SGMS1: variants seen among roughly 807,000 people sequenced by gnomAD.
The protein encoded by SGMS1 is sphingomyelin synthase 1.
Under a neutral mutation model 46.2 loss-of-function variants are expected in SGMS1, and 13 were observed. The ratio of observed to expected loss-of-function variants is 0.28; its 90% CI spans 0.18 to 0.45. SGMS1 has a LOEUF of 0.45. Ranked by LOEUF, SGMS1 falls within the 20% of genes least tolerant of loss-of-function variation. SGMS1 has a pLI of 1.00. For synonymous variants in SGMS1, 203 were observed against 187.8 expected (o/e 1.08, Z -0.66); for missense variants, 324 against 519.9 (o/e 0.62, Z 3.66).
intron 6 of SGMS1, among the ~76,000 whole-genome samples, chr10:50,419,626 TAAAAG>T (rs1258523964): frequency 6.6e-6 from 1 of 152,162 alleles, no homozygotes; most frequent in African/African-American, 2.4e-5. Flanking sequence ...TAAAAATACT[TAAAAG>T]AAACTTTATT....
At chr10:50,368,920 G>A (rs1848392117) in intron 6 of SGMS1, among the ~76,000 whole-genome samples, 1 of 152,134 alleles carries the variant, frequency 6.6e-6, no homozygotes, top group Non-Finnish European at 1.5e-5. Context: ...TATTACTGTG[G>A]AATGTTACAC....
chr10:50,344,829 C>T (rs375678929), intron 6 of SGMS1, among the ~76,000 whole-genome samples: 5 of 151,624 alleles, frequency 3.3e-5, no homozygotes, highest in East Asian at 1.9e-4. Context: ...CCGAGATCAG[C>T]CACTGTACTC....
chr10:50,352,498 C>T (rs1264942563), intron 6 of SGMS1, among the ~76,000 whole-genome samples: 1 of 152,118 alleles, frequency 6.6e-6, no homozygotes, highest in Non-Finnish European at 1.5e-5. Context: ...TAAAAATATG[C>T]ATAAATTCTT....
chr10:50,471,053 A>T (rs759948123), intron 3 of SGMS1, among the ~76,000 whole-genome samples: 1 of 152,226 alleles, frequency 6.6e-6, no homozygotes, highest in Non-Finnish European at 1.5e-5. Flanking sequence ...TTAAGGAAGT[A>T]GTTACTAAAA....
At chr10:50,339,745 G>A (rs7905772) in intron 7 of SGMS1, among the ~76,000 whole-genome samples, 34,776 of 152,154 alleles carry the variant, frequency 0.23, 4,310 homozygotes, top group African/African-American at 0.31. Flanking sequence ...GATGAATAGG[G>A]TCTAGTTCTT....
At chr10:50,517,932 T>G (rs568177773) in intron 3 of SGMS1, among the ~76,000 whole-genome samples, 1 of 152,108 alleles carries the variant, frequency 6.6e-6, no homozygotes, top group South Asian at 2.1e-4. Flanking sequence ...AATAAAGACA[T>G]TTCAGAAACC....
At chr10:50,574,384 T>C (rs1838361929) in intron 2 of SGMS1, among the ~76,000 whole-genome samples, 1 of 152,214 alleles carries the variant, frequency 6.6e-6, no homozygotes, top group African/African-American at 2.4e-5. Flanking sequence ...AAGAGGTTTA[T>C]GACCAAATGC....
At chr10:50,563,899 C>T (rs1838265245) in intron 2 of SGMS1, among the ~76,000 whole-genome samples, 1 of 152,302 alleles carries the variant, frequency 6.6e-6, no homozygotes, top group East Asian at 1.9e-4. Flanking sequence ...TGACAACCTA[C>T]CTCCAAGTGC....
At chr10:50,385,642 C>T (rs1017463718) in intron 6 of SGMS1, among the ~76,000 whole-genome samples, 1 of 151,998 alleles carries the variant, frequency 6.6e-6, no homozygotes, top group African/African-American at 2.4e-5. Context: ...GATAAAGGAA[C>T]CTGAGATCTG....
intron 2 of SGMS1, among the ~76,000 whole-genome samples, chr10:50,582,993 T>C (rs1337184101): frequency 3.9e-5 from 6 of 152,208 alleles, no homozygotes; most frequent in East Asian, 1.9e-4. Context: ...GCTTTAAAGG[T>C]TGACAGTAAT....
intron 2 of SGMS1, among the ~76,000 whole-genome samples, chr10:50,544,885 C>T (rs570953095): frequency 1.3e-5 from 2 of 152,286 alleles, no homozygotes; most frequent in East Asian, 3.9e-4. Flanking sequence ...CCGCGTATTT[C>T]CATTTATGTG....
At chr10:50,503,739 T>A (rs1837681665) in intron 3 of SGMS1, among the ~76,000 whole-genome samples, 1 of 152,004 alleles carries the variant, frequency 6.6e-6, no homozygotes, top group Non-Finnish European at 1.5e-5. Flanking sequence ...AGCAGTTCTG[T>A]GGGTTTGGCC....
chr10:50,545,714 G>GA (rs1430244036), intron 2 of SGMS1, among the ~76,000 whole-genome samples: 1 of 152,164 alleles, frequency 6.6e-6, no homozygotes, highest in African/African-American at 2.4e-5. Context: ...TGGGATTACA[G>GA]ACGTGAGCCA....
At chr10:50,406,708 T>TC (rs1849021090) in intron 6 of SGMS1, among the ~76,000 whole-genome samples, 1 of 151,002 alleles carries the variant, frequency 6.6e-6, no homozygotes, top group African/African-American at 2.4e-5. Flanking sequence ...ATAATTCTTT[T>TC]TTTTTTTTTC....
chr10:50,584,815 A>G (rs1183087566), intron 2 of SGMS1, among the ~76,000 whole-genome samples: 2 of 152,228 alleles, frequency 1.3e-5, no homozygotes, highest in African/African-American at 4.8e-5. Flanking sequence ...AACTGCAACT[A>G]TAACATCCAA....
intron 1 of SGMS1, among the ~76,000 whole-genome samples, chr10:50,605,539 G>C (rs866960587): frequency 6.6e-6 from 1 of 152,162 alleles, no homozygotes; most frequent in South Asian, 2.1e-4. Context: ...GACAGGACTT[G>C]CTCAAGGTTG....
chr10:50,358,692 T>C (rs553426138), intron 6 of SGMS1, among the ~76,000 whole-genome samples: 1 of 152,230 alleles, frequency 6.6e-6, no homozygotes, highest in South Asian at 2.1e-4. Flanking sequence ...CAAGACTTTG[T>C]CTCAAAAAAA....
intron 4 of SGMS1, among the ~76,000 whole-genome samples, chr10:50,463,649 A>G (rs1024963716): frequency 7.2e-5 from 11 of 152,250 alleles, no homozygotes; most frequent in African/African-American, 2.7e-4. Context: ...TAGAACTACT[A>G]TATGATCCAG....
chr10:50,425,557 GAT>G (rs1849314243), intron 6 of SGMS1, among the ~76,000 whole-genome samples: 1 of 152,264 alleles, frequency 6.6e-6, no homozygotes, highest in South Asian at 2.1e-4. Flanking sequence ...GGTGCACATG[GAT>G]ATAAAGATGC....
Sources: gnomAD v4.1 joint callset for allele counts (sites outside exome capture counted in the v4.1 genomes callset) on GRCh38, gnomAD v4.1.1 for gene constraint, MANE v1.5 for transcripts, NCBI Gene and HGNC (gene_info 2026-07-23, HGNC 2026-07-21) for gene names.